Variants in BTAF1 observed in about 807,000 individuals in gnomAD.
The protein encoded by BTAF1 is TATA-binding protein-associated factor 172.
In BTAF1, 38 loss-of-function variants were observed where a neutral mutation model predicts 227.1. The ratio of observed to expected loss-of-function variants is 0.17; its 90% CI spans 0.13 to 0.22. The LOEUF is 0.22. Among genes scored for constraint, BTAF1 ranks in the 10% least tolerant of loss-of-function variants. BTAF1 has a pLI of 1.00. For missense variants in BTAF1, 1,598 were observed against 2,204.0 expected (o/e 0.73, Z 5.51); for synonymous variants, 742 against 751.9 (o/e 0.99, Z 0.21).
At position 92,011,281 on chromosome 10, in the gene BTAF1, C is replaced by G; in HGVS notation, c.4182-5C>G. ...TTGTAAAATTTTCTATTTATTCTCC[C>G]TTAGAAATATTAAATTTAACTACTG... On this transcript the variant is annotated splice_polypyrimidine_tract_variant and splice_region_variant and intron_variant, in intron 29 of 37. Transcript: ENST00000265990. 1 of 1,505,388 alleles carries G rather than the reference C, an allele frequency of 6.6e-7. No homozygotes were observed. The highest frequency in any genetic ancestry group is 1.3e-5 in the South Asian group (1 of 76,568). The allele number at this position is 1,505,388 out of a possible 1,614,324, so 93.3% of individuals were successfully genotyped here.
intron 34 of BTAF1, among the ~76,000 whole-genome samples, chr10:92,019,574 G>T (rs1284667719): frequency 1.3e-4 from 20 of 152,086 alleles, no homozygotes; most frequent in Admixed American, 1.3e-3. Context: ...AACATTTTCG[G>T]GAACTGCCAA....
At chr10:91,982,258 A>G in intron 17 of BTAF1, 33 bp downstream of exon 17, 7 of 1,613,374 alleles carry the variant, frequency 4.3e-6, no homozygotes, top group Non-Finnish European at 5.9e-6. Context: ...GTAGTCATAC[A>G]TTTACAAGTC....
chr10:91,998,322 TA>T (rs66677532), intron 25 of BTAF1, among the ~76,000 whole-genome samples: 41,470 of 151,998 alleles, frequency 0.27, 6,927 homozygotes, highest in Non-Finnish European at 0.38. Context: ...CTATGATTCC[TA>T]AAAAAAATTT....
intron 34 of BTAF1, among the ~76,000 whole-genome samples, chr10:92,019,212 CAG>C (rs1175369959): frequency 6.6e-6 from 1 of 152,192 alleles, no homozygotes; most frequent in Non-Finnish European, 1.5e-5. Flanking sequence ...ACCACCCAAA[CAG>C]AAACTCTATA....
intron 20 of BTAF1, among the ~76,000 whole-genome samples, chr10:91,991,271 A>AAATATATATATATATATATATAT (rs1564699928): frequency 6.0e-5 from 4 of 66,224 alleles, no homozygotes; most frequent in East Asian, 9.1e-4. Flanking sequence ...TATAAATATA[A>AAATATATATATATATATATATAT]ATATATATAT....
chr10:92,025,291 A>G lies in BTAF1; in HGVS notation c.5075+324A>G, dbSNP rs191118413. The stretch of plus-strand genomic sequence containing the variant: ...GAATTAGGGTGAGAGGAACCAAACA[A>G]GTGGCTTAGCTAAAATCTCCATCCT... On this transcript the variant is annotated intron_variant, in intron 35 of 37. Coordinates refer to ENST00000265990, the MANE Select transcript of BTAF1 (RefSeq NM_003972.3). Among the ~76,000 whole-genome samples, 16 of 152,246 alleles carry G rather than the reference A, an allele frequency of 1.1e-4. No homozygotes were observed. In the East Asian group the frequency reaches 3.1e-3, roughly 29 times the overall value.
chr10:91,989,245 T>C lies in BTAF1; in HGVS notation c.2519T>C (p.Met840Thr). The C allele has an allele frequency of 6.2e-7, 1 of 1,614,156 alleles. No individual in the cohort carries two copies. Among genetic ancestry groups the C allele is most frequent in the Non-Finnish European group, 8.5e-7 (1 of 1,180,026 alleles). Residue 840 changes from methionine (M) to threonine (T), a missense_variant, in exon 20 of 38, where the codon ATG (methionine) becomes ACG (threonine). Coordinates refer to ENST00000265990, the MANE Select transcript of BTAF1 (RefSeq NM_003972.3). The stretch of plus-strand genomic sequence containing the variant: ...GATAGTAAACGACAGCAGGTCCAAA[T>C]GACAGTTACAGAGACCAACCAGGAG... The part of the protein sequence containing the change: ...QLDSKRQQVQ[M>T]TVTETNQEWQ...
intron 33 of BTAF1, among the ~76,000 whole-genome samples, chr10:92,016,881 C>T (rs995737373): frequency 6.6e-6 from 1 of 152,022 alleles, no homozygotes; most frequent in Non-Finnish European, 1.5e-5. Flanking sequence ...TGTATACATT[C>T]TTGAAAATAA....
Position 91,989,294 on chromosome 10 carries a change from G to A in BTAF1, c.2568G>A (p.Val856=). ...NQEWQVLQLR[V]HTFAACAVVS... is the part of the protein sequence containing the mutation. ...AGTGGCAAGTGTTGCAGTTGAGAGTGCATACTTTTGCTGCCTGTGCAGTTG... is the reference window on the plus strand; with the variant it reads ...AGTGGCAAGTGTTGCAGTTGAGAGTACATACTTTTGCTGCCTGTGCAGTTG... The change falls in exon 20 of 38, where the codon GTG becomes GTA. Residue 856 remains valine (V), a synonymous_variant. Transcript: ENST00000265990. The A allele has an allele frequency of 1.2e-6, 2 of 1,614,162 alleles. No individual in the cohort carries two copies. Among genetic ancestry groups the A allele is most frequent in the South Asian group, 1.1e-5 (1 of 91,078 alleles).
At position 91,994,593 on chromosome 10, in the gene BTAF1, G is replaced by C; in HGVS notation, c.3258G>C (p.Leu1086=). Residue 1086 remains leucine, a synonymous_variant, in exon 23 of 38, where the codon CTG becomes CTC. Coordinates refer to ENST00000265990, the MANE Select transcript of BTAF1 (RefSeq NM_003972.3). ...CTGCTCAAGAATTGGTGAATTCTCT[G>C]CAGGTTTTTGAAACAGCAGCAGCTT... ...DSPAQELVNS[L]QVFETAAASM... The C allele has an allele frequency of 1.2e-6, 2 of 1,614,060 alleles. No homozygotes were observed. Among genetic ancestry groups the C allele is most frequent in the Non-Finnish European group, 1.7e-6 (2 of 1,179,970 alleles).
intron 9 of BTAF1, 39 bp from the exon 10 acceptor site, chr10:91,959,732 GTGTGTGTGTATATA>G (rs1316736200): frequency 1.7e-5 from 7 of 419,218 alleles, no homozygotes; most frequent in South Asian, 7.6e-5. Flanking sequence ...GTGTGTGTGT[GTGTGTGTGTATATA>G]TATATATATA....
rs775651973 is a variant in BTAF1 at position 91,924,082 on chromosome 10, G to T, written c.6G>T (p.Ala2=). M[A]VSRLDRLFIL... is the part of the protein sequence containing the mutation. ...CGAACCGCCGGCGCCCGGCCATGGC[G>T]GTCTCCAGGTGGGTCTTGCTCCTGA... Residue 2 remains alanine, a synonymous_variant, in exon 1 of 38, where the codon GCG becomes GCT. Transcript: ENST00000265990. 3 of 1,608,842 alleles carry T rather than the reference G, an allele frequency of 1.9e-6. No homozygotes were observed. Among genetic ancestry groups the T allele is most frequent in the South Asian group, 2.2e-5 (2 of 90,120 alleles).
intron 26 of BTAF1, 63 bp downstream of exon 26, chr10:92,008,338 G>C (rs925578675): frequency 7.5e-6 from 10 of 1,328,432 alleles, no homozygotes; most frequent in East Asian, 2.7e-5. Context: ...TGGGTTTGTT[G>C]GGGGGGGCTT....
intron 3 of BTAF1, among the ~76,000 whole-genome samples, chr10:91,942,094 A>G (rs1424084453): frequency 1.3e-5 from 2 of 152,148 alleles, no homozygotes; most frequent in Non-Finnish European, 2.9e-5. Flanking sequence ...CTGGGGCAAG[A>G]TGGTGAGACC....
chr10:91,952,428 G>A (rs1325230028), intron 5 of BTAF1, among the ~76,000 whole-genome samples: 1 of 151,912 alleles, frequency 6.6e-6, no homozygotes, highest in African/African-American at 2.4e-5. Context: ...GGCTCTCTTC[G>A]GAAAAATGCA....
chr10:91,981,501 A>G, intron 15 of BTAF1, 142 bp from the exon 16 acceptor site: 1 of 879,496 alleles, frequency 1.1e-6, no homozygotes, highest in Non-Finnish European at 1.6e-6. Context: ...ACTGTATTTC[A>G]AAATAAGCCT....
chr10:91,962,586 G>A lies in BTAF1; in HGVS notation c.1312G>A (p.Gly438Arg). 1.3e-6 allele frequency: 2 copies of A among 1,599,728 alleles called. No individual in the cohort carries two copies. Among genetic ancestry groups the A allele is most frequent in the Non-Finnish European group, 1.7e-6 (2 of 1,168,850 alleles). ...LPKVLTRIIE[G>R]LQDLDDDVRA... ...TAAAGTTTTAACTAGAATAATTGAAGGACTCCAGGATCTTGATGATGATGT... is the reference window on the plus strand; with the variant it reads ...TAAAGTTTTAACTAGAATAATTGAAAGACTCCAGGATCTTGATGATGATGT... The change falls in exon 12 of 38, where the codon GGA (glycine) becomes AGA (arginine). Residue 438 changes from glycine (G) to arginine (R), a missense_variant. Gly to Arg is a moderately radical substitution (Grantham distance 125). This residue lies in a region of BTAF1 where 52 missense variants were observed against 72.4 expected (regional missense o/e 0.72). Coordinates refer to ENST00000265990, the MANE Select transcript of BTAF1 (RefSeq NM_003972.3).
chr10:91,959,326 A>C, intron 9 of BTAF1, 172 bp downstream of exon 9: 1 of 1,381,498 alleles, frequency 7.2e-7, no homozygotes, highest in Non-Finnish European at 9.5e-7. Flanking sequence ...AAGATGAATA[A>C]GAGGCTAGTT....
intron 1 of BTAF1, among the ~76,000 whole-genome samples, chr10:91,926,664 C>T (rs1589724732): frequency 6.6e-6 from 1 of 152,206 alleles, no homozygotes; most frequent in African/African-American, 2.4e-5. Context: ...AGGAAGTACT[C>T]ATCTCCTTGA....
Sources: allele counts gnomAD v4.1 joint callset (sites outside exome capture counted in the v4.1 genomes callset), GRCh38; gene constraint gnomAD v4.1.1; regional missense constraint gnomAD v4.1.1; transcripts MANE v1.5; gene names NCBI Gene and HGNC (gene_info 2026-07-23, HGNC 2026-07-21).